Variants in CERS3 observed in about 807,000 individuals in gnomAD.
CERS3 encodes ceramide synthase 3.
A neutral mutation model predicts 50.3 loss-of-function variants in CERS3; 33 were observed. The ratio of observed to expected loss-of-function variants is 0.66; its 90% CI spans 0.50 to 0.88. The LOEUF (loss-of-function observed/expected upper bound fraction) is 0.88, where lower values mean the gene tolerates loss of function less well. Ranked by LOEUF, CERS3 falls within the 40% of genes least tolerant of loss-of-function variation. The pLI is 0.00. For missense variants in CERS3, 470 were observed against 460.3 expected (o/e 1.02, Z -0.19); for synonymous variants, 176 against 155.2 (o/e 1.13, Z -0.99).
intron 9 of CERS3, among the ~76,000 whole-genome samples, chr15:100,470,700 A>T (rs1487255254): frequency 6.6e-6 from 1 of 152,236 alleles, no homozygotes; most frequent in Non-Finnish European, 1.5e-5. Flanking sequence ...AATGGTAGAC[A>T]GCAGCCCCTT....
intron 11 of CERS3, among the ~76,000 whole-genome samples, chr15:100,446,564 A>T (rs2033953907): frequency 6.6e-6 from 1 of 152,164 alleles, no homozygotes; most frequent in Admixed American, 6.5e-5. Context: ...TTGATTAAAA[A>T]CTGAGCTTAT....
At chr15:100,435,038 G>T (rs1490336891) in intron 11 of CERS3, among the ~76,000 whole-genome samples, 1 of 152,194 alleles carries the variant, frequency 6.6e-6, no homozygotes. Context: ...TGGGACAGAG[G>T]AAAGAGAGGC....
chr15:100,518,494 A>T lies in CERS3; in HGVS notation c.-2+3173T>A, dbSNP rs116007875. Among the ~76,000 whole-genome samples, 1,206 of 152,376 alleles carry T rather than the reference A, an allele frequency of 7.9e-3. 10 individuals carry two copies. The highest frequency in any genetic ancestry group is 0.027 in the African/African-American group (1,107 of 41,586). On this transcript the variant is annotated intron_variant, in intron 2 of 11. Transcript: ENST00000679737. ...ACTTGCAAAGATGTCTGGCAGAAAA[A>T]GTCTTGGGCATATTGTTTGAAAATG...
At chr15:100,544,345 C>T (rs2037285477) in intron 1 of CERS3, 1 of 152,782 alleles carries the variant, frequency 6.5e-6, no homozygotes, top group Admixed American at 6.5e-5. Context: ...CACGGGGACT[C>T]TGGGCCTTGA....
chr15:100,516,635 A>G (rs1271910753), intron 2 of CERS3, among the ~76,000 whole-genome samples: 1 of 152,214 alleles, frequency 6.6e-6, no homozygotes, highest in Non-Finnish European at 1.5e-5. Context: ...TTCCCCAGAG[A>G]GAGAAATGGG....
chr15:100,515,399 T>C (rs530619771), intron 2 of CERS3, among the ~76,000 whole-genome samples: 1 of 152,288 alleles, frequency 6.6e-6, no homozygotes, highest in South Asian at 2.1e-4. Context: ...CAATAGCACA[T>C]GGCTTTCCAG....
intron 11 of CERS3, among the ~76,000 whole-genome samples, chr15:100,441,310 G>A (rs369528698): frequency 2.6e-4 from 34 of 129,292 alleles, no homozygotes; most frequent in South Asian, 5.2e-4. Context: ...TCTGCACCCC[G>A]ACCTCTTATC....
chr15:100,448,081 G>T (rs2034008449), intron 11 of CERS3, among the ~76,000 whole-genome samples: 1 of 152,130 alleles, frequency 6.6e-6, no homozygotes, highest in South Asian at 2.1e-4. Flanking sequence ...GTGCAATTTG[G>T]ATATTCAATA....
At chr15:100,468,439 G>A (rs2034855927) in intron 10 of CERS3, among the ~76,000 whole-genome samples, 1 of 152,172 alleles carries the variant, frequency 6.6e-6, no homozygotes, top group African/African-American at 2.4e-5. Flanking sequence ...ATGGTCTAAA[G>A]AATGCAGCTG....
At chr15:100,417,819 A>C (rs1270164541) in intron 11 of CERS3, among the ~76,000 whole-genome samples, 7 of 152,004 alleles carry the variant, frequency 4.6e-5, no homozygotes, top group Non-Finnish European at 7.3e-5. Context: ...CAGCAAGGGC[A>C]CACTGACACC....
upstream of CERS3, among the ~76,000 whole-genome samples, chr15:100,532,574 T>A (rs1219520213): frequency 2.0e-5 from 3 of 151,356 alleles, no homozygotes; most frequent in Middle Eastern, 3.4e-3. Flanking sequence ...AAGACCAGAC[T>A]GGGCAAGATG....
chr15:100,542,152 A>G (rs1217769197), intron 1 of CERS3, among the ~76,000 whole-genome samples: 4 of 152,238 alleles, frequency 2.6e-5, no homozygotes, highest in Non-Finnish European at 5.9e-5. Context: ...AAAATCTTTT[A>G]TCAAAACTGA....
At chr15:100,456,157 T>C (rs577249529) in intron 10 of CERS3, 111 bp from the exon 11 acceptor site, 37 of 644,612 alleles carry the variant, frequency 5.7e-5, no homozygotes, top group Non-Finnish European at 8.4e-5. Context: ...TCGTTTCTAA[T>C]AAAGCCCAGA....
At chr15:100,508,327 T>C (rs2036242359) in intron 2 of CERS3, among the ~76,000 whole-genome samples, 1 of 152,184 alleles carries the variant, frequency 6.6e-6, no homozygotes, top group South Asian at 2.1e-4. Flanking sequence ...GTGGTTTTTT[T>C]CCGTGTAAAG....
chr15:100,470,616 C>T (rs1378593414), intron 9 of CERS3, among the ~76,000 whole-genome samples: 1 of 152,046 alleles, frequency 6.6e-6, no homozygotes, highest in Non-Finnish European at 1.5e-5. Context: ...CCCTGTGAGT[C>T]CATTTGTGAG....
chr15:100,459,674 C>T (rs1228621408), intron 10 of CERS3, among the ~76,000 whole-genome samples: 1 of 152,122 alleles, frequency 6.6e-6, no homozygotes, highest in African/African-American at 2.4e-5. Flanking sequence ...ACTCATTTTA[C>T]AATTTGGAAT....
chr15:100,501,566 G>T, intron 3 of CERS3, 111 bp downstream of exon 3: 2 of 894,198 alleles, frequency 2.2e-6, no homozygotes, highest in Non-Finnish European at 1.7e-6. Flanking sequence ...CCCATTAGTG[G>T]CAACCTCTGA....
Position 100,407,736 on chromosome 15 carries a change from T to C in CERS3, c.1000-4871A>G, listed in dbSNP as rs1472792014. On this transcript the variant is annotated intron_variant, in intron 11 of 11. Coordinates refer to ENST00000679737, the MANE Select transcript of CERS3 (RefSeq NM_001378789.1). The stretch of plus-strand genomic sequence containing the variant: ...TCTTGTCATTCCCTAAAAAATGTAG[T>C]ACAACAACTATTTACACAGCATCTA... Among the ~76,000 whole-genome samples the C allele has an allele frequency of 2.0e-5, 3 of 152,252 alleles. No homozygotes were observed. The East Asian group carries it at 5.8e-4, about 29-fold the overall frequency.
chr15:100,453,522 T>C (rs1455422486), intron 11 of CERS3, among the ~76,000 whole-genome samples: 1 of 152,164 alleles, frequency 6.6e-6, no homozygotes, highest in African/African-American at 2.4e-5. Context: ...AGGGCATATA[T>C]GACAGATTCA....
Sources: gnomAD v4.1 joint callset for allele counts (sites outside exome capture counted in the v4.1 genomes callset) on GRCh38, gnomAD v4.1.1 for gene constraint, MANE v1.5 for transcripts, NCBI Gene and HGNC (gene_info 2026-07-23, HGNC 2026-07-21) for gene names.